Variants in UTRN observed in about 807,000 individuals in gnomAD.
UTRN encodes dystrophin-related protein 1.
Under a neutral mutation model 463.9 loss-of-function variants are expected in UTRN, and 283 were observed. The ratio of observed to expected loss-of-function variants is 0.61; its 90% CI spans 0.55 to 0.67. The LOEUF is 0.67. Among genes scored for constraint, UTRN ranks in the 30% least tolerant of loss-of-function variants. The pLI is 0.00. For missense variants in UTRN, 3,922 were observed against 4,084.3 expected (o/e 0.96, Z 1.08); for synonymous variants, 1,442 against 1,431.5 (o/e 1.01, Z -0.17).
intron 2 of UTRN, among the ~76,000 whole-genome samples, chr6:144,356,667 G>T (rs1230547894): frequency 6.6e-6 from 1 of 152,102 alleles, no homozygotes; most frequent in African/African-American, 2.4e-5. Flanking sequence ...ACAAAAATTA[G>T]TTGGGTGTGG....
At chr6:144,356,016 G>C (rs1055586791) in intron 2 of UTRN, among the ~76,000 whole-genome samples, 2 of 152,178 alleles carry the variant, frequency 1.3e-5, no homozygotes, top group Admixed American at 6.6e-5. Flanking sequence ...CACAAAGCAA[G>C]TAGACCAATT....
At chr6:144,688,374 A>G (rs976948128) in intron 52 of UTRN, among the ~76,000 whole-genome samples, 2 of 152,126 alleles carry the variant, frequency 1.3e-5, no homozygotes, top group Admixed American at 1.3e-4. Flanking sequence ...GTATTTCCAA[A>G]GATTTCATAT....
chr6:144,682,704 A>C (rs576324060), intron 52 of UTRN, among the ~76,000 whole-genome samples: 1 of 152,336 alleles, frequency 6.6e-6, no homozygotes, highest in South Asian at 2.1e-4. Flanking sequence ...GTTTAGCTAA[A>C]GGCGTAAATG....
At chr6:144,358,286 A>G (rs1468130829) in intron 2 of UTRN, among the ~76,000 whole-genome samples, 3 of 152,266 alleles carry the variant, frequency 2.0e-5, no homozygotes, top group African/African-American at 7.2e-5. Context: ...AGTCTAAATT[A>G]TCTTAACAGT....
At chr6:144,765,032 G>A (rs1486171689) in intron 58 of UTRN, among the ~76,000 whole-genome samples, 2 of 152,068 alleles carry the variant, frequency 1.3e-5, no homozygotes, top group Non-Finnish European at 1.5e-5. Context: ...TGAGAGTCAC[G>A]GAGATGAGGG....
chr6:144,666,285 G>A (rs533303871), intron 51 of UTRN, among the ~76,000 whole-genome samples: 4 of 152,270 alleles, frequency 2.6e-5, no homozygotes, highest in East Asian at 3.9e-4. Flanking sequence ...TAAATTTTCA[G>A]TGCAAGCTTA....
intron 57 of UTRN, among the ~76,000 whole-genome samples, chr6:144,755,258 C>T (rs184704235): frequency 1.3e-4 from 20 of 152,246 alleles, no homozygotes; most frequent in African/African-American, 2.9e-4. Context: ...TTATTAGGCT[C>T]GCTGCGATTA....
At chr6:144,822,512 CTG>C (rs1164362725) in intron 66 of UTRN, among the ~76,000 whole-genome samples, 2 of 152,052 alleles carry the variant, frequency 1.3e-5, no homozygotes, top group Non-Finnish European at 2.9e-5. Flanking sequence ...TGATATCAAA[CTG>C]TGTACAATTA....
At position 144,629,064 on chromosome 6, in the gene UTRN, G is replaced by A. The variant is rs1408785179; in HGVS notation, c.7480-49342G>A. Among the ~76,000 whole-genome samples the A allele has an allele frequency of 5.3e-5, 8 of 152,240 alleles. 1 individual carries two copies. In the South Asian group the frequency reaches 1.2e-3, roughly 24 times the overall value. On this transcript the variant is annotated intron_variant, in intron 51 of 74. Coordinates refer to ENST00000367545, the MANE Select transcript of UTRN (RefSeq NM_007124.3). ...TCTTTATGAAATTTTCTTTTATTCT[G>A]AGCATGGCCAATAGCAGTACTTATC...
intron 46 of UTRN, among the ~76,000 whole-genome samples, chr6:144,546,223 A>G (rs1798393007): frequency 6.6e-6 from 1 of 152,150 alleles, no homozygotes; most frequent in South Asian, 2.1e-4. Context: ...ACTAGCTGCC[A>G]TTAGGGTGCT....
At chr6:144,702,122 A>G (rs1784659209) in intron 53 of UTRN, among the ~76,000 whole-genome samples, 1 of 152,230 alleles carries the variant, frequency 6.6e-6, no homozygotes. Context: ...CTCTGTAAGG[A>G]ATACAAGCTG....
intron 52 of UTRN, among the ~76,000 whole-genome samples, chr6:144,687,187 T>C (rs1338528142): frequency 6.6e-6 from 1 of 152,194 alleles, no homozygotes; most frequent in East Asian, 1.9e-4. Flanking sequence ...TAGTATTTTG[T>C]TGAGGATTTT....
intron 65 of UTRN, among the ~76,000 whole-genome samples, chr6:144,817,339 A>G (rs1489195146): frequency 6.6e-6 from 1 of 152,188 alleles, no homozygotes; most frequent in Non-Finnish European, 1.5e-5. Flanking sequence ...CAAGAAATGC[A>G]TTTAAAATGT....
intron 51 of UTRN, among the ~76,000 whole-genome samples, chr6:144,641,646 T>C (rs1198465197): frequency 6.6e-6 from 1 of 152,170 alleles, no homozygotes; most frequent in Non-Finnish European, 1.5e-5. Flanking sequence ...ACATAACCCA[T>C]TATGGAAATG....
At chr6:144,488,459 A>G (rs143993057) in intron 29 of UTRN, among the ~76,000 whole-genome samples, 16 of 152,346 alleles carry the variant, frequency 1.1e-4, no homozygotes, top group Admixed American at 1.3e-4. Context: ...CATTATATAT[A>G]GAAAGAAGTA....
Position 144,437,658 on chromosome 6 carries a change from G to A in UTRN, c.1153G>A (p.Glu385Lys), listed in dbSNP as rs903724033. Residue 385 changes from glutamate (E) to lysine (K), a missense_variant, in exon 11 of 75, where the codon GAA (glutamate) becomes AAA (lysine). Around this residue, in one of 3 missense-constraint regions of UTRN, gnomAD observed 2,349 missense variants for 2,303.8 expected, o/e 1.02. Coordinates refer to ENST00000367545, the MANE Select transcript of UTRN (RefSeq NM_007124.3). ...GATAACACAAGGAACTCTGTCAGAC[G>A]AAGAAGAATTTGAGATTCAGGAACA... Reference protein sequence around the residue: ...QLITQGTLSDEEEFEIQEQMT... With the variant: ...QLITQGTLSDKEEFEIQEQMT... 5 of 1,614,034 alleles carry A rather than the reference G, an allele frequency of 3.1e-6. No individual in the cohort carries two copies. The highest frequency in any genetic ancestry group is 1.3e-5 in the African/African-American group (1 of 74,918).
At chr6:144,445,445 G>T (rs1332334408) in intron 14 of UTRN, among the ~76,000 whole-genome samples, 2 of 150,444 alleles carry the variant, frequency 1.3e-5, no homozygotes, top group East Asian at 3.9e-4. Context: ...TCTATAAGAA[G>T]CAACTATATT....
intron 2 of UTRN, among the ~76,000 whole-genome samples, chr6:144,394,338 A>G (rs1004524219): frequency 3.9e-5 from 6 of 152,180 alleles, no homozygotes; most frequent in African/African-American, 1.4e-4. Flanking sequence ...GCAGCAGGCA[A>G]GAGAGAATGA....
intron 60 of UTRN, among the ~76,000 whole-genome samples, chr6:144,778,616 A>G (rs1775546092): frequency 6.6e-6 from 1 of 151,156 alleles, no homozygotes; most frequent in Admixed American, 6.6e-5. Context: ...TAATAATAAT[A>G]ATAATAATAA....
Sources: allele counts gnomAD v4.1 joint callset (sites outside exome capture counted in the v4.1 genomes callset), GRCh38; gene constraint gnomAD v4.1.1; regional missense constraint gnomAD v4.1.1; transcripts MANE v1.5; gene names NCBI Gene and HGNC (gene_info 2026-07-23, HGNC 2026-07-21).